The following FAM117B variants were observed in gnomAD, a reference collection of about 807,000 sequenced individuals.
FAM117B encodes protein FAM117B.
FAM117B carries 22 observed loss-of-function variants against 52.8 expected under a neutral mutation model. The observed-to-expected ratio is 0.42, with a 90% CI of 0.30 to 0.59. The LOEUF (loss-of-function observed/expected upper bound fraction) is 0.59. FAM117B is among the 20% of genes least tolerant of loss of function. The pLI is 0.22. For missense variants in FAM117B, 678 were observed against 802.6 expected, an observed-to-expected ratio of 0.84 and a Z score of 1.88; for synonymous variants, 309 against 324.1, an observed-to-expected ratio of 0.95 and a Z score of 0.50.
chr2:202,673,291 G>A (rs1559099135), intron 1 of FAM117B, among the ~76,000 whole-genome samples: 1 of 152,016 alleles, frequency 6.6e-6, no homozygotes, highest in East Asian at 1.9e-4. Flanking sequence ...GGTTGTAGCT[G>A]GCTGATTTTG....
At chr2:202,686,889 A>T (rs899698977) in intron 1 of FAM117B, among the ~76,000 whole-genome samples, 3 of 152,102 alleles carry the variant, frequency 2.0e-5, no homozygotes, top group Non-Finnish European at 4.4e-5. Context: ...AACCAATAGG[A>T]TACATATATA....
chr2:202,741,749 G>T (rs943023037), intron 4 of FAM117B, among the ~76,000 whole-genome samples: 1 of 152,044 alleles, frequency 6.6e-6, no homozygotes, highest in Non-Finnish European at 1.5e-5. Context: ...TGTTAGCCAG[G>T]ATGGTCTCGA....
chr2:202,765,299 G>T, intron 7 of FAM117B, 147 bp from the exon 8 acceptor site: 1 of 747,594 alleles, frequency 1.3e-6, no homozygotes, highest in South Asian at 1.9e-5. Context: ...TTGAAGGTGG[G>T]GGACAGAGCT....
At chr2:202,743,229 C>T (rs1370769609) in intron 4 of FAM117B, among the ~76,000 whole-genome samples, 1 of 152,146 alleles carries the variant, frequency 6.6e-6, no homozygotes, top group Non-Finnish European at 1.5e-5. Context: ...AAAGCCTTAC[C>T]ACAGCCTTCA....
Position 202,685,149 on chromosome 2 carries a change from A to T in FAM117B, c.602-10732A>T, listed in dbSNP as rs187416005. Among the ~76,000 whole-genome samples, 8 of 152,066 alleles carry T rather than the reference A, an allele frequency of 5.3e-5. No individual in the cohort carries two copies. In the East Asian group the frequency reaches 1.5e-3, roughly 29 times the overall value. On this transcript the variant is annotated intron_variant, in intron 1 of 7. Coordinates refer to ENST00000392238, the MANE Select transcript of FAM117B (RefSeq NM_173511.4). ...AGGTGCCCGCTACTATGCCTGGCTA[A>T]TATTTTTGTATTTTTAGTAGAGATG...
At chr2:202,688,433 A>C (rs1486371720) in intron 1 of FAM117B, among the ~76,000 whole-genome samples, 2 of 152,280 alleles carry the variant, frequency 1.3e-5, no homozygotes, top group East Asian at 3.9e-4. Flanking sequence ...ACAAGAAGGT[A>C]ATTATATTAT....
chr2:202,702,392 G>C (rs1188863122), intron 2 of FAM117B, among the ~76,000 whole-genome samples: 2 of 151,732 alleles, frequency 1.3e-5, no homozygotes, highest in Non-Finnish European at 2.9e-5. Flanking sequence ...CTCTGTCTCA[G>C]AAAAATAAAG....
At chr2:202,713,419 T>C (rs895383910) in intron 2 of FAM117B, among the ~76,000 whole-genome samples, 4 of 152,188 alleles carry the variant, frequency 2.6e-5, no homozygotes, top group African/African-American at 9.6e-5. Flanking sequence ...TCTCTCTTTT[T>C]CTCTTAGTCT....
intron 1 of FAM117B, among the ~76,000 whole-genome samples, chr2:202,644,196 CAGTATTAATGT>C (rs1041933083): frequency 7.3e-5 from 11 of 150,150 alleles, no homozygotes; most frequent in African/African-American, 2.7e-4. Flanking sequence ...TTGGTTAAAT[CAGTATTAATGT>C]TATTATGACC....
intron 1 of FAM117B, among the ~76,000 whole-genome samples, chr2:202,684,856 A>T (rs1450218090): frequency 1.3e-5 from 2 of 152,238 alleles, no homozygotes; most frequent in Admixed American, 1.3e-4. Flanking sequence ...ATAATGGCTC[A>T]GTATTTGCTA....
intron 3 of FAM117B, 200 bp downstream of exon 3, chr2:202,725,209 A>G (rs1691222420): frequency 2.7e-6 from 1 of 370,400 alleles, no homozygotes; most frequent in Admixed American, 4.4e-5. Context: ...TTACCTGATT[A>G]TGTATGTTTG....
intron 1 of FAM117B, among the ~76,000 whole-genome samples, chr2:202,684,873 T>C (rs1017794165): frequency 1.3e-5 from 2 of 152,232 alleles, no homozygotes; most frequent in Admixed American, 1.3e-4. Flanking sequence ...GCTAATTTAT[T>C]GTTCATTGTG....
At chr2:202,650,308 C>T (rs1286200614) in intron 1 of FAM117B, among the ~76,000 whole-genome samples, 4 of 151,840 alleles carry the variant, frequency 2.6e-5, no homozygotes, top group African/African-American at 7.3e-5. Flanking sequence ...CTTGGGTGGT[C>T]GGGTTAATAA....
At chr2:202,662,711 G>C (rs1226207025) in intron 1 of FAM117B, among the ~76,000 whole-genome samples, 2 of 152,010 alleles carry the variant, frequency 1.3e-5, no homozygotes, top group Non-Finnish European at 2.9e-5. Flanking sequence ...CATGGTGGTG[G>C]TGCACGCCTG....
At chr2:202,707,543 A>G (rs1690891759) in intron 2 of FAM117B, among the ~76,000 whole-genome samples, 1 of 151,906 alleles carries the variant, frequency 6.6e-6, no homozygotes. Flanking sequence ...GTCTCTACCA[A>G]AAATACAAAA....
chr2:202,652,165 C>T (rs1689967766), intron 1 of FAM117B, among the ~76,000 whole-genome samples: 1 of 151,726 alleles, frequency 6.6e-6, no homozygotes. Flanking sequence ...GTGACATGAT[C>T]TTGGTTCGCT....
At position 202,765,610 on chromosome 2, in the gene FAM117B, C is replaced by A. The variant is rs771881394; in HGVS notation, c.1616C>A (p.Thr539Asn). 3 of 1,614,168 alleles carry A rather than the reference C, an allele frequency of 1.9e-6. No homozygotes were observed. In the Admixed American group the frequency reaches 5.0e-5, roughly 27 times the overall value. Residue 539 changes from threonine to asparagine, a missense_variant, in exon 8 of 8, where the codon ACC becomes AAC. Physicochemically the swap from Thr to Asn is moderately conservative, Grantham distance 65. Transcript: ENST00000392238. ...LKGSGHSLTV[T>N]TGMTTTLLQP... Reference sequence around the variant, plus strand: ...GGCTCTGGCCACAGCCTGACAGTCACCACTGGCATGACAACCACTCTGCTG... The same window carrying A: ...GGCTCTGGCCACAGCCTGACAGTCAACACTGGCATGACAACCACTCTGCTG...
chr2:202,672,881 T>TA lies in FAM117B; in HGVS notation c.602-22991dup, dbSNP rs926202744. 2.2e-4 allele frequency among the ~76,000 whole-genome samples: 33 copies of TA among 150,630 alleles called. No individual in the cohort carries two copies. In the South Asian group the frequency reaches 3.8e-3, roughly 17 times the overall value. ...GGCAAGGCTTTGTCTCTACAAAAAA[T>TA]AAAAAAAAATTAGCCAGGCGAGCTG... On this transcript the variant is annotated intron_variant, in intron 1 of 7. Coordinates refer to ENST00000392238, the MANE Select transcript of FAM117B (RefSeq NM_173511.4).
At chr2:202,660,124 A>G (rs1329855579) in intron 1 of FAM117B, among the ~76,000 whole-genome samples, 1 of 151,942 alleles carries the variant, frequency 6.6e-6, no homozygotes, top group Non-Finnish European at 1.5e-5. Flanking sequence ...GAAAATGTTT[A>G]TCTTTTCATT....
Sources: gnomAD v4.1 joint callset for allele counts (sites outside exome capture counted in the v4.1 genomes callset) on GRCh38, gnomAD v4.1.1 for gene constraint, MANE v1.5 for transcripts, NCBI Gene and HGNC (gene_info 2026-07-23, HGNC 2026-07-21) for gene names.